The following TNR variants were observed in gnomAD, a reference collection of about 807,000 sequenced individuals.
TNR encodes tenascin-R.
TNR carries 45 observed loss-of-function variants against 150.4 expected under a neutral mutation model. That is an observed-to-expected ratio of 0.30 (90% CI 0.24 to 0.38). TNR has a LOEUF of 0.38. Among genes scored for constraint, TNR ranks in the 10% least tolerant of loss-of-function variants. TNR has a pLI of 1.00. For synonymous variants in TNR, 687 were observed against 678.4 expected (o/e 1.01, Z -0.20); for missense variants, 1,544 against 1,759.1 (o/e 0.88, Z 2.19).
At chr1:175,336,442 C>A (rs1490408330) in intron 19 of TNR, among the ~76,000 whole-genome samples, 2 of 152,212 alleles carry the variant, frequency 1.3e-5, no homozygotes, top group Non-Finnish European at 2.9e-5. Flanking sequence ...CCATTTTGCA[C>A]CAGGAAACAT....
intron 1 of TNR, among the ~76,000 whole-genome samples, chr1:175,576,097 T>C (rs1662098789): frequency 6.6e-6 from 1 of 152,250 alleles, no homozygotes; most frequent in Non-Finnish European, 1.5e-5. Flanking sequence ...TGAAATTTAA[T>C]GCTAAGAATT....
rs950482589 is a variant in TNR, at chr1:175,331,094, T to C, written c.3632-859A>G. Among the ~76,000 whole-genome samples, 200 of 130,300 alleles carry C rather than the reference T, an allele frequency of 1.5e-3. 1 individual carries two copies. The highest frequency in any genetic ancestry group is 2.1e-3 in the African/African-American group (68 of 32,320). 85.5% of individuals were successfully genotyped at this position (130,300 alleles called of 152,430 possible). A position where few individuals can be genotyped will look rare whatever the true frequency, so the allele number is the denominator to read the frequency against. On this transcript the variant is annotated intron_variant, in intron 20 of 22. Transcript: ENST00000367674. ...CTTTCTTTCCTTCTTTCTTTCTTTC[T>C]TTCTTTCTCTCTCTCTTTCTTTTCT...
intron 1 of TNR, among the ~76,000 whole-genome samples, chr1:175,534,894 G>A (rs1475471344): frequency 5.3e-5 from 8 of 152,178 alleles, no homozygotes; most frequent in Non-Finnish European, 1.0e-4. Context: ...ATGATAGTGA[G>A]TGAGTTCTCA....
intron 1 of TNR, among the ~76,000 whole-genome samples, chr1:175,650,901 T>TCATTACTACCTTGC (rs1664957083): frequency 1.0e-4 from 1 of 9,780 alleles, no homozygotes. Context: ...ACTACCCCTC[T>TCATTACTACCTTGC]CCCACCTCAT....
At chr1:175,415,636 G>A (rs1400406781) in intron 2 of TNR, among the ~76,000 whole-genome samples, 2 of 152,214 alleles carry the variant, frequency 1.3e-5, no homozygotes, top group East Asian at 1.9e-4. Flanking sequence ...TCGTGGCTTC[G>A]TGTCAGTGTG....
intron 1 of TNR, among the ~76,000 whole-genome samples, chr1:175,686,057 A>G (rs543796796): frequency 4.6e-5 from 7 of 151,366 alleles, no homozygotes; most frequent in East Asian, 3.9e-4. Context: ...GCACACACGC[A>G]CACACACACA....
At chr1:175,573,809 C>T (rs1558014200) in intron 1 of TNR, among the ~76,000 whole-genome samples, 1 of 152,132 alleles carries the variant, frequency 6.6e-6, no homozygotes, top group Non-Finnish European at 1.5e-5. Flanking sequence ...TGGCAGATGT[C>T]CAGAATTGGA....
intron 15 of TNR, among the ~76,000 whole-genome samples, chr1:175,358,024 C>A (rs963885464): frequency 1.3e-5 from 2 of 152,200 alleles, no homozygotes; most frequent in Non-Finnish European, 2.9e-5. Context: ...GAAACCACGA[C>A]TTGAAGGATG....
At chr1:175,440,685 G>A (rs980351390) in intron 2 of TNR, among the ~76,000 whole-genome samples, 3 of 152,068 alleles carry the variant, frequency 2.0e-5, no homozygotes. Flanking sequence ...TGAAGACCAT[G>A]TTTCAGTGTC....
At chr1:175,330,810 C>CCCTT (rs1649710130) in intron 20 of TNR, among the ~76,000 whole-genome samples, 2 of 152,204 alleles carry the variant, frequency 1.3e-5, no homozygotes, top group African/African-American at 4.8e-5. Context: ...TGACTCCAGT[C>CCCTT]CCTTTCTCTC....
chr1:175,394,837 CTGAGGGAA>C (rs1482403820), intron 5 of TNR, among the ~76,000 whole-genome samples: 1 of 152,160 alleles, frequency 6.6e-6, no homozygotes, highest in Non-Finnish European at 1.5e-5. Flanking sequence ...GGGAGCTTGC[CTGAGGGAA>C]TGCCCTGAAT....
intron 4 of TNR, among the ~76,000 whole-genome samples, chr1:175,401,596 T>G (rs1489390936): frequency 6.6e-6 from 1 of 152,184 alleles, no homozygotes; most frequent in Non-Finnish European, 1.5e-5. Flanking sequence ...AACATTAAAT[T>G]TTTTTCCCTA....
At chr1:175,376,685 A>C (rs1652402017) in intron 9 of TNR, among the ~76,000 whole-genome samples, 2 of 152,060 alleles carry the variant, frequency 1.3e-5, no homozygotes, top group African/African-American at 4.8e-5. Flanking sequence ...CTTCCCCCAG[A>C]TGCCTCAGCA....
intron 7 of TNR, among the ~76,000 whole-genome samples, chr1:175,390,487 GAC>G (rs1280561331): frequency 6.6e-6 from 1 of 152,096 alleles, no homozygotes; most frequent in Non-Finnish European, 1.5e-5. Flanking sequence ...TCTTGGTGAG[GAC>G]ACACACACAT....
At chr1:175,652,143 C>T (rs1665019276) in intron 1 of TNR, among the ~76,000 whole-genome samples, 1 of 147,106 alleles carries the variant, frequency 6.8e-6, no homozygotes, top group African/African-American at 2.5e-5. Context: ...ATATATTATA[C>T]TTTATATAAT....
chr1:175,568,608 TG>T (rs1251115486), intron 1 of TNR, among the ~76,000 whole-genome samples: 1 of 152,204 alleles, frequency 6.6e-6, no homozygotes, highest in Non-Finnish European at 1.5e-5. Flanking sequence ...TTCTGGAGCC[TG>T]TTATCTCGTG....
At chr1:175,462,196 G>A (rs1296991188) in intron 2 of TNR, among the ~76,000 whole-genome samples, 4 of 152,164 alleles carry the variant, frequency 2.6e-5, no homozygotes, top group Non-Finnish European at 5.9e-5. Context: ...AAATTAGGTT[G>A]CATGGATTCA....
chr1:175,328,675 G>A (rs1398692094), intron 21 of TNR, among the ~76,000 whole-genome samples: 1 of 152,214 alleles, frequency 6.6e-6, no homozygotes, highest in Non-Finnish European at 1.5e-5. Context: ...GGCAGGATCT[G>A]CCTCTGAGAC....
At chr1:175,533,407 G>A (rs1345246165) in intron 1 of TNR, among the ~76,000 whole-genome samples, 1 of 152,158 alleles carries the variant, frequency 6.6e-6, no homozygotes, top group Non-Finnish European at 1.5e-5. Flanking sequence ...TGTAACAACT[G>A]AATGCTGTAG....
Sources: allele counts gnomAD v4.1 joint callset (sites outside exome capture counted in the v4.1 genomes callset), GRCh38; gene constraint gnomAD v4.1.1; transcripts MANE v1.5; gene names NCBI Gene and HGNC (gene_info 2026-07-23, HGNC 2026-07-21).